Variants in SMC5 observed in about 807,000 individuals in gnomAD.
SMC5 encodes the protein structural maintenance of chromosomes 5.
SMC5 carries 88 observed loss-of-function variants against 148.3 expected under a neutral mutation model. That is an observed-to-expected ratio of 0.59 (90% CI 0.50 to 0.71). SMC5 has a LOEUF of 0.71. SMC5 is among the 30% of genes least tolerant of loss of function. SMC5 has a pLI of 0.00. For synonymous variants in SMC5, 421 were observed against 432.8 expected (o/e 0.97, Z 0.34); for missense variants, 1,142 against 1,298.9 (o/e 0.88, Z 1.86).
In SMC5 at chr9:70,333,741, A is replaced by G. The variant is rs1452708747; in HGVS notation, c.2397+9598A>G. 3.3e-5 allele frequency among the ~76,000 whole-genome samples: 5 copies of G among 152,278 alleles called. No individual in the cohort carries two copies. The East Asian group carries it at 9.6e-4, about 29-fold the overall frequency. ...GTAAGACTCTGTCCCAAAAAAAGAA[A>G]GGAAAAAAATACTAGGGATATATTT... is the stretch of plus-strand genomic sequence containing the variant. On this transcript the variant is annotated intron_variant, in intron 17 of 24. Transcript: ENST00000361138.
In SMC5 at chr9:70,321,414, A is replaced by G. The variant is rs147126615; in HGVS notation, c.2151-2069A>G. On this transcript the variant is annotated intron_variant, in intron 15 of 24. Coordinates refer to ENST00000361138, the MANE Select transcript of SMC5 (RefSeq NM_015110.4). ...AATGTCTTTTTTTTTTTTTTTTGAG[A>G]CGGGGTCTTGCTCTGTTACCCAGGC... Among the ~76,000 whole-genome samples, 587 of 108,706 alleles carry G rather than the reference A, an allele frequency of 5.4e-3. 2 individuals carry two copies. The highest frequency in any genetic ancestry group is 0.014 in the African/African-American group (509 of 36,832). The allele number at this position is 108,706 out of a possible 152,430, so 71.3% of individuals were successfully genotyped here.
chr9:70,349,794 G>C (rs1284273382), intron 22 of SMC5, among the ~76,000 whole-genome samples: 1 of 152,038 alleles, frequency 6.6e-6, no homozygotes, highest in Admixed American at 6.6e-5. Flanking sequence ...AGAGTTCCTC[G>C]CTCAGTAATT....
At chr9:70,328,696 G>T (rs1431513518) in intron 17 of SMC5, among the ~76,000 whole-genome samples, 2 of 152,202 alleles carry the variant, frequency 1.3e-5, no homozygotes, top group South Asian at 2.1e-4. Context: ...TCTGGAGGAC[G>T]GTGGCCCTCT....
chr9:70,275,696 T>C (rs2034572888), intron 3 of SMC5, among the ~76,000 whole-genome samples: 1 of 152,196 alleles, frequency 6.6e-6, no homozygotes, highest in South Asian at 2.1e-4. Context: ...AAGATGCTTA[T>C]AAACTCATTT....
At chr9:70,274,234 A>G (rs2034525756) in intron 3 of SMC5, among the ~76,000 whole-genome samples, 1 of 152,182 alleles carries the variant, frequency 6.6e-6, no homozygotes, top group Non-Finnish European at 1.5e-5. Context: ...GGCGCCCGAC[A>G]CTACGCCCAG....
intron 7 of SMC5, among the ~76,000 whole-genome samples, chr9:70,285,207 C>A (rs182978830): frequency 8.5e-5 from 13 of 152,106 alleles, no homozygotes; most frequent in African/African-American, 2.9e-4. Flanking sequence ...GGAGGGCTCA[C>A]AGCTAAGATT....
intron 4 of SMC5, among the ~76,000 whole-genome samples, chr9:70,277,712 G>GT (rs2034630147): frequency 6.6e-6 from 1 of 152,018 alleles, no homozygotes; most frequent in African/African-American, 2.4e-5. Flanking sequence ...TATTTTTGAA[G>GT]TTCAGAGAGT....
In SMC5 at chr9:70,259,257, ACTTC is replaced by A; in HGVS notation, c.182_185del (p.Phe61Ter). Reference sequence around the variant, plus strand: ...TCTATCGTCCGCATCTCGATGGAGAACTTCCTGTAAGTTGCCCGGAGGCCGCGCC... The same window carrying A: ...TCTATCGTCCGCATCTCGATGGAGAACTGTAAGTTGCCCGGAGGCCGCGCC... On this transcript the variant is annotated frameshift_variant and splice_region_variant, in exon 1 of 25. Coordinates refer to ENST00000361138, the MANE Select transcript of SMC5 (RefSeq NM_015110.4). LOFTEE classifies it high-confidence loss of function. The A allele has an allele frequency of 6.3e-7, 1 of 1,582,594 alleles. No homozygotes were observed. The highest frequency in any genetic ancestry group is 8.6e-7 in the Non-Finnish European group (1 of 1,163,438).
In SMC5 at chr9:70,323,549, C is replaced by A; in HGVS notation, c.2217C>A (p.Ile739=). The A allele has an allele frequency of 6.2e-7, 1 of 1,611,888 alleles. No homozygotes were observed. Among genetic ancestry groups the A allele is most frequent in the Admixed American group, 1.7e-5 (1 of 59,858 alleles). The change falls in exon 16 of 25, where the codon ATC becomes ATA. Residue 739 remains isoleucine, a synonymous_variant. Coordinates refer to ENST00000361138, the MANE Select transcript of SMC5 (RefSeq NM_015110.4). ...EEEERKASTK[I]KEINVQKAKL... ...AAGAGCGAAAAGCAAGTACCAAAAT[C>A]AAAGAAATAAATGTTCAAAAAGCGA... is the stretch of plus-strand genomic sequence containing the variant.
Position 70,282,434 on chromosome 9 carries a change from G to A in SMC5, c.832G>A (p.Val278Ile), listed in dbSNP as rs773303099. The A allele has an allele frequency of 4.4e-6, 7 of 1,591,812 alleles. No homozygotes were observed. Among genetic ancestry groups the A allele is most frequent in the Admixed American group, 1.8e-5 (1 of 54,562 alleles). ...AKRPWVEYEN[V>I]RQEYEEVKLV... The stretch of plus-strand genomic sequence containing the variant: ...AATTATTTGCAAGGAATATGAAAAT[G>A]TTCGTCAGGAATATGAAGAAGTAAA... Residue 278 changes from valine to isoleucine, a missense_variant, in exon 7 of 25, where the codon GTT (valine) becomes ATT (isoleucine). Physicochemically the swap from Val to Ile is conservative, Grantham distance 29 (BLOSUM62 3). Coordinates refer to ENST00000361138, the MANE Select transcript of SMC5 (RefSeq NM_015110.4).
rs543106586 is a variant in SMC5, at chr9:70,330,099, A to G, written c.2397+5956A>G. 1.2e-3 allele frequency among the ~76,000 whole-genome samples: 184 copies of G among 152,288 alleles called. 1 individual carries two copies. Among genetic ancestry groups the G allele is most frequent in the Non-Finnish European group, 1.8e-3 (124 of 68,018 alleles). ...CATTGGGGATTACGGTTCAACATGA[A>G]ATTTGGGTTGGGACACAGAGCCAAA... is the stretch of plus-strand genomic sequence containing the variant. On this transcript the variant is annotated intron_variant, in intron 17 of 24. Transcript: ENST00000361138.
intron 3 of SMC5, among the ~76,000 whole-genome samples, chr9:70,276,251 T>C (rs897658065): frequency 6.6e-6 from 1 of 152,146 alleles, no homozygotes; most frequent in Non-Finnish European, 1.5e-5. Flanking sequence ...GCTGTGGGCT[T>C]TGTCTGTTTT....
chr9:70,297,834 C>T (rs2035240930), intron 8 of SMC5, 132 bp from the exon 9 acceptor site: 1 of 1,006,420 alleles, frequency 9.9e-7, no homozygotes, highest in Non-Finnish European at 1.5e-6. Context: ...TAGTCTAATT[C>T]TCACAGGACA....
chr9:70,344,306 AT>A, intron 18 of SMC5, 37 bp downstream of exon 18: 1 of 1,360,086 alleles, frequency 7.4e-7, no homozygotes, highest in Non-Finnish European at 9.6e-7. Flanking sequence ...CAATTGCCAT[AT>A]TTAACATTTT....
intron 13 of SMC5, among the ~76,000 whole-genome samples, chr9:70,317,506 G>A (rs370498713): frequency 6.6e-6 from 1 of 151,884 alleles, no homozygotes; most frequent in African/African-American, 2.4e-5. Context: ...CAGATTAGTC[G>A]GATTGTAGGA....
chr9:70,348,518 C>T (rs560312513), intron 22 of SMC5, among the ~76,000 whole-genome samples: 2 of 150,136 alleles, frequency 1.3e-5, no homozygotes, highest in South Asian at 4.2e-4. Flanking sequence ...ATGGCAAAAT[C>T]GCATCTCTGT....
In SMC5 at chr9:70,326,427, A is replaced by T. The variant is rs527236407; in HGVS notation, c.2397+2284A>T. Among the ~76,000 whole-genome samples the T allele has an allele frequency of 2.2e-4, 33 of 152,254 alleles. 1 individual carries two copies. Among genetic ancestry groups the T allele is most frequent in the Non-Finnish European group, 2.2e-4 (15 of 67,980 alleles). ...AGGCAAATGGAAATACAAATTTTAA[A>T]AAGTTTAAATATCTCAATATGCTGC... On this transcript the variant is annotated intron_variant, in intron 17 of 24. Coordinates refer to ENST00000361138, the MANE Select transcript of SMC5 (RefSeq NM_015110.4).
intron 12 of SMC5, 111 bp downstream of exon 12, chr9:70,314,947 C>T (rs2035756426): frequency 4.7e-6 from 3 of 641,966 alleles, no homozygotes; most frequent in Non-Finnish European, 7.3e-6. Flanking sequence ...TCTCTTAAGT[C>T]GAATATAAGG....
intron 2 of SMC5, among the ~76,000 whole-genome samples, chr9:70,267,036 T>C (rs2034308915): frequency 6.6e-6 from 1 of 151,910 alleles, no homozygotes; most frequent in Non-Finnish European, 1.5e-5. Context: ...ATAAGGCTTT[T>C]TTTTTTTTTT....
Sources: gnomAD v4.1 joint callset for allele counts (sites outside exome capture counted in the v4.1 genomes callset) on GRCh38, gnomAD v4.1.1 for gene constraint, MANE v1.5 for transcripts, NCBI Gene and HGNC (gene_info 2026-07-23, HGNC 2026-07-21) for gene names.